The following PDE1A variants were observed in gnomAD, a reference collection of about 807,000 sequenced individuals.
The protein encoded by PDE1A is dual specificity calcium/calmodulin-dependent 3',5'-cyclic nucleotide phosphodiesterase 1A.
A neutral mutation model predicts 61.7 loss-of-function variants in PDE1A; 35 were observed. That is an observed-to-expected ratio of 0.57 (90% CI 0.43 to 0.75). The LOEUF (loss-of-function observed/expected upper bound fraction) is 0.75, where lower values mean the gene tolerates loss of function less well. Ranked by LOEUF, PDE1A falls within the 30% of genes least tolerant of loss-of-function variation. PDE1A has a pLI of 0.00. For missense variants in PDE1A, 597 were observed against 630.6 expected (o/e 0.95, Z 0.57); for synonymous variants, 232 against 213.2 (o/e 1.09, Z -0.77).
At chr2:182,477,910 G>A (rs562448638) in intron 2 of PDE1A, among the ~76,000 whole-genome samples, 1 of 151,890 alleles carries the variant, frequency 6.6e-6, no homozygotes, top group Admixed American at 6.6e-5. Context: ...GAGGACTGGG[G>A]GATCTTCATT....
chr2:182,520,212 T>C (rs1690479964), intron 2 of PDE1A, among the ~76,000 whole-genome samples: 1 of 151,860 alleles, frequency 6.6e-6, no homozygotes, highest in African/African-American at 2.4e-5. Flanking sequence ...ATTAAACAAT[T>C]TGGTTGTCAT....
the PDE1A span, among the ~76,000 whole-genome samples, chr2:182,700,839 T>C: frequency 6.6e-6 from 1 of 151,422 alleles, no homozygotes; most frequent in East Asian, 2.0e-4. Flanking sequence ...ATTGCTTGAA[T>C]CTGGAAGGCA....
At chr2:182,394,883 A>G (rs900481205) in intron 1 of PDE1A, among the ~76,000 whole-genome samples, 1 of 152,214 alleles carries the variant, frequency 6.6e-6, no homozygotes, top group African/African-American at 2.4e-5. Context: ...CAAAAACAAT[A>G]TCACATCCCT....
At chr2:182,522,578 A>AC (rs1690636838) in intron 1 of PDE1A, 1 of 1,370,170 alleles carries the variant, frequency 7.3e-7, no homozygotes. Flanking sequence ...CCACCTCACC[A>AC]CCCCCCTAAG....
the PDE1A span, among the ~76,000 whole-genome samples, chr2:182,632,849 A>G: frequency 2.6e-5 from 4 of 152,320 alleles, no homozygotes; most frequent in African/African-American, 9.6e-5. Flanking sequence ...TGACCACTAT[A>G]AGGTGGCAAT....
rs573152033 is a variant in PDE1A at position 182,282,647 on chromosome 2, C to A, written c.54-18233G>T. Among the ~76,000 whole-genome samples the A allele has an allele frequency of 7.2e-5, 11 of 151,940 alleles. No homozygotes were observed. The South Asian group carries it at 2.3e-3, about 31-fold the overall frequency. On this transcript the variant is annotated intron_variant, in intron 1 of 13. Transcript: ENST00000351439. The stretch of plus-strand genomic sequence containing the variant: ...ATTTGTGTTAGTTATGTGTGAGTAC[C>A]TATATATAATTCCAAAACTTGGCAT...
intron 2 of PDE1A, among the ~76,000 whole-genome samples, chr2:182,506,340 C>G (rs200172308): frequency 1.3e-5 from 2 of 151,970 alleles, no homozygotes; most frequent in Non-Finnish European, 2.9e-5. Context: ...AAAATAAGAC[C>G]AAATAAACAG....
intron 2 of PDE1A, among the ~76,000 whole-genome samples, chr2:182,508,954 T>TC (rs1266591626): frequency 1.5e-5 from 2 of 137,556 alleles, no homozygotes; most frequent in Non-Finnish European, 3.2e-5. Context: ...ATGCTATCCC[T>TC]CCCCCCTACC....
intron 2 of PDE1A, among the ~76,000 whole-genome samples, chr2:182,263,197 G>A (rs1336592181): frequency 6.6e-6 from 1 of 152,072 alleles, no homozygotes; most frequent in East Asian, 1.9e-4. Context: ...AATGCGGTGC[G>A]AGAGGCAGGA....
At chr2:182,567,728 G>A in the PDE1A span, among the ~76,000 whole-genome samples, 1 of 149,594 alleles carries the variant, frequency 6.7e-6, no homozygotes, top group African/African-American at 2.5e-5. Flanking sequence ...CTGATAATGA[G>A]TTTTTAATAT....
intron 2 of PDE1A, among the ~76,000 whole-genome samples, chr2:182,245,728 T>TAGA (rs1443069142): frequency 6.6e-6 from 1 of 152,224 alleles, no homozygotes; most frequent in Non-Finnish European, 1.5e-5. Context: ...ATTGTGTGCA[T>TAGA]AGATAGTCTA....
At chr2:182,517,888 C>T (rs569371875) in intron 2 of PDE1A, among the ~76,000 whole-genome samples, 6 of 152,194 alleles carry the variant, frequency 3.9e-5, no homozygotes, top group South Asian at 2.1e-4. Flanking sequence ...CCAAAAGCTT[C>T]GTATAGAACA....
At chr2:182,323,927 G>A (rs1418295245) in intron 1 of PDE1A, among the ~76,000 whole-genome samples, 1 of 152,128 alleles carries the variant, frequency 6.6e-6, no homozygotes, top group African/African-American at 2.4e-5. Context: ...GTAGGGCTGT[G>A]CAGCCTTTTC....
At chr2:182,246,703 T>C (rs1301451000) in intron 2 of PDE1A, among the ~76,000 whole-genome samples, 1 of 152,130 alleles carries the variant, frequency 6.6e-6, no homozygotes, top group Non-Finnish European at 1.5e-5. Flanking sequence ...TGAGCCACCA[T>C]GCCCAGCCTT....
At chr2:182,153,344 G>A (rs1364508726) in intron 13 of PDE1A, among the ~76,000 whole-genome samples, 1 of 152,146 alleles carries the variant, frequency 6.6e-6, no homozygotes, top group Non-Finnish European at 1.5e-5. Flanking sequence ...GAAGGGATGA[G>A]GAGGTACGGT....
At chr2:182,568,053 C>G in the PDE1A span, among the ~76,000 whole-genome samples, 1 of 152,158 alleles carries the variant, frequency 6.6e-6, no homozygotes, top group Non-Finnish European at 1.5e-5. Context: ...CCTGCCTCGG[C>G]CTCCCAAAGT....
chr2:182,655,534 A>G, the PDE1A span, among the ~76,000 whole-genome samples: 1 of 152,248 alleles, frequency 6.6e-6, no homozygotes, highest in Non-Finnish European at 1.5e-5. Flanking sequence ...TCCTTTAAAG[A>G]GTAAACTATT....
At chr2:182,287,224 A>G (rs753685315) in intron 1 of PDE1A, among the ~76,000 whole-genome samples, 2 of 152,066 alleles carry the variant, frequency 1.3e-5, no homozygotes, top group Non-Finnish European at 2.9e-5. Flanking sequence ...CATAGCTGGT[A>G]TCTTCCTCCC....
intron 7 of PDE1A, 90 bp downstream of exon 7, chr2:182,223,770 ATCTT>A: frequency 2.9e-6 from 2 of 688,266 alleles, no homozygotes; most frequent in Non-Finnish European, 4.7e-6. Flanking sequence ...TCTTATTAGA[ATCTT>A]TATTATTTTT....
Sources: gnomAD v4.1 joint callset for allele counts (sites outside exome capture counted in the v4.1 genomes callset) on GRCh38, gnomAD v4.1.1 for gene constraint, MANE v1.5 for transcripts, NCBI Gene and HGNC (gene_info 2026-07-23, HGNC 2026-07-21) for gene names.